The following ADARB2 variants were observed in gnomAD, a reference collection of about 807,000 sequenced individuals.
The protein encoded by ADARB2 is inactive double-stranded RNA-specific editase B2.
ADARB2 carries 25 observed loss-of-function variants against 62.2 expected under a neutral mutation model. That is an observed-to-expected ratio of 0.40 (90% CI 0.29 to 0.56). The LOEUF is 0.56. ADARB2 is among the 20% of genes least tolerant of loss of function. ADARB2 has a pLI of 0.43. For missense variants in ADARB2, 1,071 were observed against 1,077.4 expected, an observed-to-expected ratio of 0.99 and a Z score of 0.08; for synonymous variants, 572 against 500.8, an observed-to-expected ratio of 1.14 and a Z score of -1.90.
intron 1 of ADARB2, among the ~76,000 whole-genome samples, chr10:1,709,750 A>G (rs1834929283): frequency 6.6e-6 from 1 of 152,160 alleles, no homozygotes; most frequent in African/African-American, 2.4e-5. Flanking sequence ...AGCTCTTCTT[A>G]CAGGAAGCCC....
intron 1 of ADARB2, among the ~76,000 whole-genome samples, chr10:1,482,936 C>T (rs1338338880): frequency 6.6e-6 from 1 of 152,154 alleles, no homozygotes; most frequent in African/African-American, 2.4e-5. Flanking sequence ...AAGCCCCATG[C>T]TAAATTTGTA....
At chr10:1,241,905 G>C (rs183577605) in intron 5 of ADARB2, among the ~76,000 whole-genome samples, 1 of 152,230 alleles carries the variant, frequency 6.6e-6, no homozygotes, top group Non-Finnish European at 1.5e-5. Context: ...AGGGAAACGT[G>C]GAGTAAGGAG....
intron 6 of ADARB2, among the ~76,000 whole-genome samples, chr10:1,231,966 A>T (rs535762365): frequency 8.9e-4 from 136 of 152,340 alleles, no homozygotes; most frequent in African/African-American, 3.2e-3. Flanking sequence ...TGACAACAGC[A>T]GGGCATAACA....
At chr10:1,735,216 G>C (rs1344901386) in intron 1 of ADARB2, among the ~76,000 whole-genome samples, 3 of 152,170 alleles carry the variant, frequency 2.0e-5, no homozygotes, top group Non-Finnish European at 4.4e-5. Context: ...TAAGGGACTT[G>C]ACATATTCAA....
At chr10:1,254,612 A>T (rs555187625) in intron 4 of ADARB2, among the ~76,000 whole-genome samples, 140 of 152,360 alleles carry the variant, frequency 9.2e-4, no homozygotes, top group Non-Finnish European at 1.7e-3. Context: ...TCTTATGGTC[A>T]GGTGAATTTG....
chr10:1,196,562 A>G (rs984250477), intron 8 of ADARB2, among the ~76,000 whole-genome samples: 3 of 152,170 alleles, frequency 2.0e-5, no homozygotes, highest in Non-Finnish European at 2.9e-5. Flanking sequence ...ATGAAAATTA[A>G]TTATTATACA....
chr10:1,356,906 C>G (rs1832201143), intron 3 of ADARB2, among the ~76,000 whole-genome samples: 1 of 152,236 alleles, frequency 6.6e-6, no homozygotes, highest in Non-Finnish European at 1.5e-5. Context: ...TAACTGGTCT[C>G]TCTTCAGTCT....
Position 1,623,007 on chromosome 10 carries a change from C to G in ADARB2, c.100+114044G>C, listed in dbSNP as rs562670305. Among the ~76,000 whole-genome samples the G allele has an allele frequency of 3.3e-5, 5 of 152,262 alleles. 1 individual carries two copies. The South Asian group carries it at 1.0e-3, about 32-fold the overall frequency. On this transcript the variant is annotated intron_variant, in intron 1 of 9. Transcript: ENST00000381312. ...GCATTCCGTAGGCCAAAGGTGCAAA[C>G]TACGGACACGCGCCCCAACACAGAT... is the stretch of plus-strand genomic sequence containing the variant.
At chr10:1,529,880 G>T (rs11599472) in intron 1 of ADARB2, among the ~76,000 whole-genome samples, 1 of 134,246 alleles carries the variant, frequency 7.4e-6, no homozygotes, top group Non-Finnish European at 1.7e-5. Context: ...GCGGGCACAC[G>T]TCCACTGCCC....
chr10:1,642,006 C>T (rs372115323), intron 1 of ADARB2, among the ~76,000 whole-genome samples: 98 of 109,786 alleles, frequency 8.9e-4, no homozygotes, highest in African/African-American at 2.3e-3. Flanking sequence ...GAGCGAGACT[C>T]CATTTAAAAA....
intron 1 of ADARB2, among the ~76,000 whole-genome samples, chr10:1,494,137 G>T (rs950720178): frequency 2.0e-5 from 3 of 152,106 alleles, no homozygotes; most frequent in African/African-American, 7.2e-5. Context: ...TACTCAGGAC[G>T]CTAATTTTAG....
At chr10:1,593,235 C>G (rs1475817426) in intron 1 of ADARB2, among the ~76,000 whole-genome samples, 2 of 141,244 alleles carry the variant, frequency 1.4e-5, no homozygotes, top group African/African-American at 5.4e-5. Flanking sequence ...GGTCTCCTCT[C>G]TGGCATGGTC....
At chr10:1,204,490 C>G (rs1216511772) in intron 7 of ADARB2, among the ~76,000 whole-genome samples, 4 of 152,368 alleles carry the variant, frequency 2.6e-5, no homozygotes, top group African/African-American at 9.6e-5. Context: ...CCTGCCTGAC[C>G]ATGGGTCCCA....
chr10:1,464,087 G>A (rs992843906), intron 1 of ADARB2, among the ~76,000 whole-genome samples: 4 of 150,042 alleles, frequency 2.7e-5, no homozygotes, highest in Admixed American at 1.3e-4. Flanking sequence ...ACACACATGC[G>A]CTGGGGGCAG....
chr10:1,596,574 A>G (rs1444473809), intron 1 of ADARB2, among the ~76,000 whole-genome samples: 1 of 152,148 alleles, frequency 6.6e-6, no homozygotes, highest in Non-Finnish European at 1.5e-5. Flanking sequence ...TGCAGGAGAG[A>G]TGCTTCCTGG....
intron 1 of ADARB2, among the ~76,000 whole-genome samples, chr10:1,572,626 C>A (rs1307843979): frequency 1.3e-5 from 2 of 151,658 alleles, no homozygotes; most frequent in East Asian, 3.9e-4. Flanking sequence ...AGGATGTGGG[C>A]AGAACTTGGC....
intron 1 of ADARB2, among the ~76,000 whole-genome samples, chr10:1,567,231 A>G (rs1832870320): frequency 6.6e-6 from 1 of 151,758 alleles, no homozygotes. Flanking sequence ...CATTTGGAAG[A>G]TTGGAGTCTG....
At chr10:1,239,817 T>C (rs868860212) in intron 5 of ADARB2, among the ~76,000 whole-genome samples, 3 of 5,198 alleles carry the variant, frequency 5.8e-4, no homozygotes, top group Non-Finnish European at 9.1e-4. Flanking sequence ...TTTACTCCCC[T>C]CTCCCTCCCG....
At chr10:1,563,010 G>A (rs1434069587) in intron 1 of ADARB2, among the ~76,000 whole-genome samples, 2 of 152,252 alleles carry the variant, frequency 1.3e-5, no homozygotes, top group Admixed American at 6.5e-5. Context: ...GGCACTGTCT[G>A]TGGTGAGAAC....
Sources: allele counts gnomAD v4.1 joint callset (sites outside exome capture counted in the v4.1 genomes callset), GRCh38; gene constraint gnomAD v4.1.1; transcripts MANE v1.5; gene names NCBI Gene and HGNC (gene_info 2026-07-23, HGNC 2026-07-21).